The following NCKAP5 variants were observed in gnomAD, a reference collection of about 807,000 sequenced individuals.
The protein encoded by NCKAP5 is nck-associated protein 5.
NCKAP5 carries 92 observed loss-of-function variants against 167.0 expected under a neutral mutation model. The observed-to-expected ratio is 0.55, with a 90% CI of 0.47 to 0.66. The LOEUF (loss-of-function observed/expected upper bound fraction) is 0.66. Ranked by LOEUF, NCKAP5 falls within the 30% of genes least tolerant of loss-of-function variation. The pLI, the probability that NCKAP5 is intolerant of heterozygous loss-of-function variation, is 0.00. For synonymous variants in NCKAP5, 891 were observed against 877.4 expected (o/e 1.02, Z -0.27); for missense variants, 2,378 against 2,315.0 (o/e 1.03, Z -0.56).
chr2:133,027,195 C>T (rs748927528), intron 6 of NCKAP5, among the ~76,000 whole-genome samples: 1 of 152,190 alleles, frequency 6.6e-6, no homozygotes, highest in Non-Finnish European at 1.5e-5. Context: ...TGACAAGCGT[C>T]AAGGTCTGAT....
At chr2:132,988,514 T>C (rs2077362150) in intron 7 of NCKAP5, among the ~76,000 whole-genome samples, 1 of 137,350 alleles carries the variant, frequency 7.3e-6, no homozygotes. Context: ...AGATTTCCCA[T>C]AAAACTTGAA....
chr2:133,566,265 C>G (rs765145283), intron 1 of NCKAP5, among the ~76,000 whole-genome samples: 2 of 152,154 alleles, frequency 1.3e-5, no homozygotes, highest in Non-Finnish European at 2.9e-5. Flanking sequence ...AAAAGCAAAG[C>G]AAGCTGTGGC....
chr2:132,963,296 A>C (rs1381632720), intron 8 of NCKAP5, among the ~76,000 whole-genome samples: 1 of 152,106 alleles, frequency 6.6e-6, no homozygotes, highest in Non-Finnish European at 1.5e-5. Flanking sequence ...TAAAGATATG[A>C]CTATACTGCT....
chr2:133,074,572 G>T (rs1010756659), intron 6 of NCKAP5, among the ~76,000 whole-genome samples: 1 of 152,010 alleles, frequency 6.6e-6, no homozygotes, highest in African/African-American at 2.4e-5. Context: ...ATGTTGCCCA[G>T]GTTGCTCTCA....
intron 6 of NCKAP5, among the ~76,000 whole-genome samples, chr2:133,079,717 ATG>A (rs1164091371): frequency 1.3e-5 from 2 of 152,152 alleles, no homozygotes; most frequent in African/African-American, 2.4e-5. Context: ...TATCATTGTA[ATG>A]TTCTTTCATC....
At chr2:132,890,192 T>TTGGAAAA (rs1482081441) in intron 8 of NCKAP5, among the ~76,000 whole-genome samples, 2 of 152,240 alleles carry the variant, frequency 1.3e-5, no homozygotes, top group African/African-American at 4.8e-5. Flanking sequence ...TTCTGTACTT[T>TTGGAAAA]ATTTTCTCTT....
chr2:132,831,062 T>C (rs1351226439), intron 11 of NCKAP5, among the ~76,000 whole-genome samples: 2 of 152,200 alleles, frequency 1.3e-5, no homozygotes, highest in African/African-American at 4.8e-5. Context: ...ATGATGCACA[T>C]TGTTCCGCAA....
intron 6 of NCKAP5, among the ~76,000 whole-genome samples, chr2:133,103,528 T>C (rs527844992): frequency 6.6e-6 from 1 of 152,304 alleles, no homozygotes; most frequent in East Asian, 1.9e-4. Context: ...GCTTGATTGC[T>C]TATACCTGTA....
chr2:133,496,424 AT>A (rs1348547560), intron 3 of NCKAP5, among the ~76,000 whole-genome samples: 3 of 152,072 alleles, frequency 2.0e-5, no homozygotes, highest in African/African-American at 7.2e-5. Flanking sequence ...TATAGGACGA[AT>A]TTTTTATTCC....
In NCKAP5 at chr2:133,089,268, C is replaced by T. The variant is rs927089598; in HGVS notation, c.341+40710G>A. Among the ~76,000 whole-genome samples the T allele has an allele frequency of 1.1e-4, 16 of 152,166 alleles. 1 individual carries two copies. Among genetic ancestry groups the T allele is most frequent in the Admixed American group, 9.8e-4 (15 of 15,284 alleles). On this transcript the variant is annotated intron_variant, in intron 6 of 19. Coordinates refer to ENST00000409261, the MANE Select transcript of NCKAP5 (RefSeq NM_207363.3). The stretch of plus-strand genomic sequence containing the variant: ...CTTTAGTGGGCCATTGCACATAAAA[C>T]ATGAATGGGAATGTGACAAGTACTT...
At chr2:132,713,645 GGAAA>G (rs1416919991) in intron 19 of NCKAP5, among the ~76,000 whole-genome samples, 1 of 151,926 alleles carries the variant, frequency 6.6e-6, no homozygotes, top group Non-Finnish European at 1.5e-5. Flanking sequence ...GAGATATCCG[GGAAA>G]GAAACATTAC....
intron 4 of NCKAP5, among the ~76,000 whole-genome samples, chr2:133,259,582 C>A (rs1313277834): frequency 6.6e-6 from 1 of 152,106 alleles, no homozygotes; most frequent in African/African-American, 2.4e-5. Context: ...GAGGGATGTC[C>A]TCAAAGCAAC....
At chr2:133,384,309 A>C (rs896622680) in intron 3 of NCKAP5, among the ~76,000 whole-genome samples, 2 of 152,240 alleles carry the variant, frequency 1.3e-5, no homozygotes, top group African/African-American at 2.4e-5. Flanking sequence ...TTTATTAAAT[A>C]GGGAATCCTT....
intron 3 of NCKAP5, chr2:133,433,440 C>T (rs1690285665): frequency 6.6e-6 from 1 of 152,134 alleles, no homozygotes; most frequent in Non-Finnish European, 1.5e-5. Context: ...CCAGGGATCT[C>T]TTTATTCTAT....
At chr2:133,532,959 G>A (rs188707615) in intron 2 of NCKAP5, among the ~76,000 whole-genome samples, 38 of 152,278 alleles carry the variant, frequency 2.5e-4, no homozygotes, top group Middle Eastern at 3.4e-3. Context: ...CTAGAGGGAG[G>A]TGGAGCACAA....
chr2:133,040,321 G>A (rs745553369), intron 6 of NCKAP5, among the ~76,000 whole-genome samples: 3 of 152,002 alleles, frequency 2.0e-5, no homozygotes, highest in Non-Finnish European at 4.4e-5. Context: ...AAGTAATGGC[G>A]AAAACCACGA....
At chr2:132,833,688 T>C (rs567828571) in intron 11 of NCKAP5, among the ~76,000 whole-genome samples, 1 of 152,328 alleles carries the variant, frequency 6.6e-6, no homozygotes, top group African/African-American at 2.4e-5. Context: ...TGTGTGTTTA[T>C]TTCTGAGTTC....
the NCKAP5 span, among the ~76,000 whole-genome samples, chr2:133,599,284 T>G: frequency 6.6e-6 from 1 of 152,154 alleles, no homozygotes; most frequent in Admixed American, 6.5e-5. Flanking sequence ...TAGAAGGCAC[T>G]TTGAGAATAA....
At chr2:133,324,511 C>G (rs747171499) in intron 3 of NCKAP5, among the ~76,000 whole-genome samples, 1 of 152,064 alleles carries the variant, frequency 6.6e-6, no homozygotes, top group East Asian at 1.9e-4. Flanking sequence ...GTTGTGAGGC[C>G]GGGAGATGTG....
Sources: gnomAD v4.1 joint callset for allele counts (sites outside exome capture counted in the v4.1 genomes callset) on GRCh38, gnomAD v4.1.1 for gene constraint, MANE v1.5 for transcripts, NCBI Gene and HGNC (gene_info 2026-07-23, HGNC 2026-07-21) for gene names.